Variants in SH3PXD2A observed in about 807,000 individuals in gnomAD.
The protein encoded by SH3PXD2A is SH3 and PX domains 2A.
A neutral mutation model predicts 115.2 loss-of-function variants in SH3PXD2A; 32 were observed. The ratio of observed to expected loss-of-function variants is 0.28; its 90% CI spans 0.21 to 0.37. SH3PXD2A has a LOEUF of 0.37. Ranked by LOEUF, SH3PXD2A falls within the 10% of genes least tolerant of loss-of-function variation. The pLI is 1.00. For missense variants in SH3PXD2A, 1,328 were observed against 1,498.7 expected (o/e 0.89, Z 1.88); for synonymous variants, 610 against 629.1 (o/e 0.97, Z 0.45).
At chr10:103,630,911 C>T (rs146701491) in intron 8 of SH3PXD2A, among the ~76,000 whole-genome samples, 68 of 152,314 alleles carry the variant, frequency 4.5e-4, no homozygotes, top group Non-Finnish European at 6.9e-4. Context: ...GTTTACCTTA[C>T]GGTAATCCCC....
At chr10:103,802,430 C>T (rs530550134) in intron 1 of SH3PXD2A, among the ~76,000 whole-genome samples, 2 of 152,344 alleles carry the variant, frequency 1.3e-5, no homozygotes, top group South Asian at 4.1e-4. Context: ...GCCAGGCTGT[C>T]ACCCCGGTTC....
chr10:103,813,562 CCTGCCT>C (rs1273341241), intron 1 of SH3PXD2A, among the ~76,000 whole-genome samples: 1 of 152,204 alleles, frequency 6.6e-6, no homozygotes, highest in Non-Finnish European at 1.5e-5. Context: ...AAGCAATCCT[CCTGCCT>C]CAGCCTCCCA....
intron 6 of SH3PXD2A, among the ~76,000 whole-genome samples, chr10:103,673,771 G>C (rs1369237426): frequency 6.6e-6 from 1 of 152,198 alleles, no homozygotes; most frequent in African/African-American, 2.4e-5. Context: ...CATGAGCCCA[G>C]GTGGGAGAGA....
intron 1 of SH3PXD2A, among the ~76,000 whole-genome samples, chr10:103,836,682 TACACAC>T (rs55855121): frequency 3.4e-5 from 5 of 148,782 alleles, no homozygotes; most frequent in Non-Finnish European, 5.9e-5. Context: ...CACAGACATG[TACACAC>T]ACACACACAC....
At chr10:103,782,619 G>T (rs1179544366) in intron 2 of SH3PXD2A, among the ~76,000 whole-genome samples, 3 of 152,034 alleles carry the variant, frequency 2.0e-5, no homozygotes, top group Non-Finnish European at 4.4e-5. Context: ...CAGAAGCTAT[G>T]GAGCAGGCAA....
chr10:103,730,500 C>T (rs554520910), intron 4 of SH3PXD2A, among the ~76,000 whole-genome samples: 47 of 152,140 alleles, frequency 3.1e-4, no homozygotes, highest in Admixed American at 5.2e-4. Flanking sequence ...TCTCACTGAA[C>T]TTCTGAGTTC....
At chr10:103,662,633 T>G (rs2037330519) in intron 7 of SH3PXD2A, among the ~76,000 whole-genome samples, 1 of 150,870 alleles carries the variant, frequency 6.6e-6, no homozygotes, top group Non-Finnish European at 1.5e-5. Flanking sequence ...TCTCCTGACC[T>G]CATGATCCAC....
chr10:103,749,152 A>AACTGCTGGGATTAC (rs1554919143), intron 3 of SH3PXD2A, among the ~76,000 whole-genome samples: 1 of 151,872 alleles, frequency 6.6e-6, no homozygotes, highest in East Asian at 1.9e-4. Flanking sequence ...TGGCCTCCCA[A>AACTGCTGGGATTAC]AGGTGGGAGC....
chr10:103,803,895 A>G (rs1382563924), intron 1 of SH3PXD2A, among the ~76,000 whole-genome samples: 1 of 152,178 alleles, frequency 6.6e-6, no homozygotes, highest in Non-Finnish European at 1.5e-5. Flanking sequence ...ATCAATACAT[A>G]TAAGATTTAC....
Position 103,613,134 on chromosome 10 carries a change from T to A in SH3PXD2A, c.977A>T (p.Asp326Val). ...CAGGTTCTTCTTCCGGGTTGGCAGG[T>A]CATCCTTGGCCTTCTTCAGGTAGGA... ...PASYLKKAKD[D>V]LPTRKKNLAG... The change falls in exon 12 of 15, where the codon GAC becomes GTC. Residue 326 changes from aspartate to valine, a missense_variant. Around this residue, in one of 5 missense-constraint regions of SH3PXD2A, gnomAD observed 509 missense variants for 628.3 expected, o/e 0.81. Coordinates refer to ENST00000369774, the MANE Select transcript of SH3PXD2A (RefSeq NM_001394015.1). The A allele has an allele frequency of 1.9e-6, 3 of 1,613,588 alleles. No homozygotes were observed. Among genetic ancestry groups the A allele is most frequent in the Non-Finnish European group, 2.5e-6 (3 of 1,179,776 alleles).
At chr10:103,682,385 T>C (rs992668772) in intron 6 of SH3PXD2A, among the ~76,000 whole-genome samples, 6 of 152,210 alleles carry the variant, frequency 3.9e-5, no homozygotes, top group Non-Finnish European at 8.8e-5. Flanking sequence ...TCCTTTCATT[T>C]CCAATTAGAT....
rs1476517906 is a variant in SH3PXD2A, at chr10:103,735,794, G to A, written c.244C>T (p.Arg82Cys). Residue 82 changes from arginine (R) to cysteine (C), a missense_variant, in exon 4 of 15, where the codon CGC becomes TGC. Arg to Cys is a radical substitution (Grantham distance 180). This residue lies in a region of SH3PXD2A where 110 missense variants were observed against 160.0 expected (regional missense o/e 0.69). Transcript: ENST00000369774. ...IPFLPGKILF[R>C]RSHIRDVAVK... The stretch of plus-strand genomic sequence containing the variant: ...GCTACGTCCCGGATGTGGCTTCTGC[G>A]GAAGAGGATCTTGCCTGGAAGAGAG... The A allele has an allele frequency of 1.2e-6, 2 of 1,613,816 alleles. No individual in the cohort carries two copies. Among genetic ancestry groups the A allele is most frequent in the East Asian group, 2.2e-5 (1 of 44,864 alleles).
intron 1 of SH3PXD2A, among the ~76,000 whole-genome samples, chr10:103,810,602 C>T (rs892251589): frequency 1.3e-5 from 2 of 152,070 alleles, no homozygotes; most frequent in Non-Finnish European, 1.5e-5. Context: ...TCCTTTGCTG[C>T]GAAGTGTGGT....
At chr10:103,628,061 C>A (rs780012701) in intron 8 of SH3PXD2A, among the ~76,000 whole-genome samples, 2 of 152,340 alleles carry the variant, frequency 1.3e-5, no homozygotes, top group South Asian at 4.1e-4. Context: ...CCATCCACCG[C>A]GGCAAGTGGC....
chr10:103,712,214 C>T (rs1393416159), intron 5 of SH3PXD2A, among the ~76,000 whole-genome samples: 1 of 152,182 alleles, frequency 6.6e-6, no homozygotes, highest in Non-Finnish European at 1.5e-5. Flanking sequence ...CATATTATAG[C>T]ATGTAAATTA....
intron 5 of SH3PXD2A, among the ~76,000 whole-genome samples, chr10:103,701,759 C>CCATCCATCCATCATT (rs145811918): frequency 0.88 from 122,318 of 139,474 alleles, 53,909 homozygotes; most frequent in East Asian, 0.99. Flanking sequence ...CGTCCATCAT[C>CCATCCATCCATCATT]CATCCAGCCA....
At chr10:103,608,307 T>C (rs1395098459) in intron 13 of SH3PXD2A, among the ~76,000 whole-genome samples, 1 of 150,438 alleles carries the variant, frequency 6.6e-6, no homozygotes, top group Non-Finnish European at 1.5e-5. Context: ...AACGAGGCCC[T>C]GTCGGCACCC....
intron 14 of SH3PXD2A, among the ~76,000 whole-genome samples, chr10:103,605,575 G>T (rs142710805): frequency 5.9e-4 from 90 of 152,336 alleles, no homozygotes; most frequent in African/African-American, 2.0e-3. Context: ...AATGTTGTGA[G>T]ACAAGCCCTG....
At chr10:103,705,397 CTTA>C (rs1261370585) in intron 5 of SH3PXD2A, among the ~76,000 whole-genome samples, 1 of 152,178 alleles carries the variant, frequency 6.6e-6, no homozygotes, top group African/African-American at 2.4e-5. Flanking sequence ...TAGTGCTGCT[CTTA>C]TTATTATTAA....
Sources: gnomAD v4.1 joint callset for allele counts (sites outside exome capture counted in the v4.1 genomes callset) on GRCh38, gnomAD v4.1.1 for gene constraint, gnomAD v4.1.1 regional missense constraint, MANE v1.5 for transcripts, NCBI Gene and HGNC (gene_info 2026-07-23, HGNC 2026-07-21) for gene names.